The following LRBA variants were observed in gnomAD, a reference collection of about 807,000 sequenced individuals.
LRBA encodes the protein LPS responsive beige-like anchor protein.
Under a neutral mutation model 330.0 loss-of-function variants are expected in LRBA, and 176 were observed. The observed-to-expected ratio is 0.53, with a 90% CI of 0.47 to 0.60. LRBA has a LOEUF of 0.60. Among genes scored for constraint, LRBA ranks in the 20% least tolerant of loss-of-function variants. The probability of loss-of-function intolerance (pLI) is 0.00; values close to 1 mark genes in which losing one functional copy is unlikely to be tolerated. For missense variants in LRBA, 3,259 were observed against 3,444.8 expected (o/e 0.95, Z 1.35); for synonymous variants, 1,230 against 1,193.0 (o/e 1.03, Z -0.64).
chr4:150,313,859 T>C (rs1337514644), intron 51 of LRBA, among the ~76,000 whole-genome samples: 2 of 145,158 alleles, frequency 1.4e-5, no homozygotes, highest in African/African-American at 5.0e-5. Context: ...TATATATATA[T>C]ATAGCCTGAA....
At chr4:150,975,249 C>T (rs1298664643) in intron 2 of LRBA, among the ~76,000 whole-genome samples, 2 of 152,140 alleles carry the variant, frequency 1.3e-5, no homozygotes, top group African/African-American at 4.8e-5. Flanking sequence ...GGTAAAGTAG[C>T]CAGGCACAGT....
At chr4:150,502,910 G>A (rs941025786) in intron 40 of LRBA, among the ~76,000 whole-genome samples, 8 of 152,334 alleles carry the variant, frequency 5.3e-5, no homozygotes, top group Admixed American at 2.0e-4. Flanking sequence ...ATTATATCCC[G>A]CACCTGACTC....
At chr4:150,588,279 C>T (rs994554792) in intron 39 of LRBA, 95 bp from the exon 40 acceptor site, 23 of 1,285,766 alleles carry the variant, frequency 1.8e-5, no homozygotes, top group Non-Finnish European at 2.2e-5. Context: ...TTCATTCTCA[C>T]GTCTAGTACT....
At chr4:150,673,303 C>T (rs747907752) in intron 37 of LRBA, among the ~76,000 whole-genome samples, 6 of 152,018 alleles carry the variant, frequency 3.9e-5, no homozygotes, top group Non-Finnish European at 7.4e-5. Context: ...ATTTCTAATT[C>T]GGCATATACA....
rs894260499 is a variant in LRBA, at chr4:150,499,954, G to A, written c.6331-8919C>T. On this transcript the variant is annotated intron_variant, in intron 40 of 56. Coordinates refer to ENST00000651943, the MANE Select transcript of LRBA (RefSeq NM_001364905.1). The stretch of plus-strand genomic sequence containing the variant: ...GGTTGGAAAGTGAGGTGGGAAGCAA[G>A]GAAAGTGAGGTGGGAAGCAAGGAAC... Among the ~76,000 whole-genome samples, 36 of 151,706 alleles carry A rather than the reference G, an allele frequency of 2.4e-4. 1 individual carries two copies. The highest frequency in any genetic ancestry group is 2.2e-3 in the Admixed American group (34 of 15,170).
chr4:150,619,858 AAAGTT>A (rs1274622413), intron 37 of LRBA, among the ~76,000 whole-genome samples: 7 of 152,140 alleles, frequency 4.6e-5, no homozygotes, highest in Non-Finnish European at 1.0e-4. Flanking sequence ...TAACATATTC[AAAGTT>A]AAAATGAGTT....
chr4:150,785,011 C>T (rs1355318890), intron 34 of LRBA, among the ~76,000 whole-genome samples: 1 of 152,134 alleles, frequency 6.6e-6, no homozygotes, highest in East Asian at 1.9e-4. Context: ...AGGGAAATTG[C>T]AATAGAGAAA....
At chr4:150,670,346 G>T (rs1561496595) in intron 37 of LRBA, among the ~76,000 whole-genome samples, 1 of 152,130 alleles carries the variant, frequency 6.6e-6, no homozygotes, top group Non-Finnish European at 1.5e-5. Flanking sequence ...TATTCTATGG[G>T]TTTTTAATCT....
chr4:150,337,432 T>C (rs993104697), intron 48 of LRBA, among the ~76,000 whole-genome samples: 7 of 152,140 alleles, frequency 4.6e-5, no homozygotes, highest in African/African-American at 1.7e-4. Context: ...ATACAAAGAG[T>C]AGCTTTACTG....
At chr4:150,565,537 G>C (rs988458173) in intron 40 of LRBA, among the ~76,000 whole-genome samples, 3 of 151,934 alleles carry the variant, frequency 2.0e-5, no homozygotes, top group African/African-American at 7.2e-5. Context: ...TAAAATCTAT[G>C]TTTTATATTG....
intron 17 of LRBA, among the ~76,000 whole-genome samples, chr4:150,884,793 G>C (rs932285778): frequency 2.6e-5 from 4 of 151,882 alleles, no homozygotes; most frequent in African/African-American, 9.7e-5. Context: ...ACAAAAAAGA[G>C]TATAACCCAT....
chr4:150,654,993 G>T (rs990286009), intron 37 of LRBA, among the ~76,000 whole-genome samples: 2 of 151,942 alleles, frequency 1.3e-5, no homozygotes, highest in South Asian at 2.1e-4. Context: ...GAATAGTGCC[G>T]CAATAAACAT....
At chr4:150,566,108 A>G (rs1044735344) in intron 40 of LRBA, among the ~76,000 whole-genome samples, 6 of 151,638 alleles carry the variant, frequency 4.0e-5, no homozygotes, top group Admixed American at 3.9e-4. Context: ...ACATGCCTGT[A>G]GTTCTAGCTA....
chr4:150,302,767 G>A lies in LRBA; in HGVS notation c.7875C>T (p.Gly2625=), dbSNP rs775917589. Reference sequence around the variant, plus strand: ...CAAGGCAAGTGACGACATCCCAATGGCCAAACACCACTTGGATCAATCTTC... The same window carrying A: ...CAAGGCAAGTGACGACATCCCAATGACCAAACACCACTTGGATCAATCTTC... ...DTGRLIQVVF[G]HWDVVTCLAR... is the part of the protein sequence containing the mutation. The change falls in exon 53 of 57, where the codon GGC becomes GGT. Residue 2625 remains glycine (G), a synonymous_variant. Transcript: ENST00000651943. The A allele has an allele frequency of 6.2e-7, 1 of 1,604,070 alleles. No individual in the cohort carries two copies. The highest frequency in any genetic ancestry group is 1.7e-5 in the Admixed American group (1 of 59,000).
In LRBA at chr4:150,852,062, A is replaced by T; in HGVS notation, c.3648T>A (p.Thr1216=). 6.2e-7 allele frequency: 1 copy of T among 1,614,154 alleles called. No homozygotes were observed. Among genetic ancestry groups the T allele is most frequent in the Non-Finnish European group, 8.5e-7 (1 of 1,180,006 alleles). The change falls in exon 23 of 57, where the codon ACT becomes ACA. Residue 1216 remains threonine, a synonymous_variant. Coordinates refer to ENST00000651943, the MANE Select transcript of LRBA (RefSeq NM_001364905.1). The part of the protein sequence containing the change: ...GQMLEEGKKA[T]NLTRETKLIN... Reference sequence around the variant, plus strand: ...TTAATTTGGTTTCTCTAGTGAGGTTAGTTGCTTTCTTCCCTTCCTCCAGCA... The same window carrying T: ...TTAATTTGGTTTCTCTAGTGAGGTTTGTTGCTTTCTTCCCTTCCTCCAGCA...
intron 2 of LRBA, among the ~76,000 whole-genome samples, chr4:151,006,472 G>T (rs1335615343): frequency 6.6e-6 from 1 of 151,892 alleles, no homozygotes; most frequent in Non-Finnish European, 1.5e-5. Flanking sequence ...GAGATACAAA[G>T]ATAAATAAAA....
At chr4:150,918,795 T>C (rs1048493324) in intron 5 of LRBA, among the ~76,000 whole-genome samples, 1 of 152,124 alleles carries the variant, frequency 6.6e-6, no homozygotes, top group African/African-American at 2.4e-5. Flanking sequence ...AGCAAGGATG[T>C]AGAGAAATTT....
At chr4:150,701,855 C>G (rs974925209) in intron 36 of LRBA, among the ~76,000 whole-genome samples, 8 of 152,090 alleles carry the variant, frequency 5.3e-5, no homozygotes, top group African/African-American at 1.9e-4. Context: ...AAGTGTATAT[C>G]AAGGGAGGAA....
intron 53 of LRBA, among the ~76,000 whole-genome samples, chr4:150,296,417 C>A (rs1297876929): frequency 1.3e-5 from 2 of 152,078 alleles, no homozygotes; most frequent in Non-Finnish European, 2.9e-5. Flanking sequence ...CACTTCAAAT[C>A]CAAAATCTGA....
Sources: gnomAD v4.1 joint callset for allele counts (sites outside exome capture counted in the v4.1 genomes callset) on GRCh38, gnomAD v4.1.1 for gene constraint, MANE v1.5 for transcripts, NCBI Gene and HGNC (gene_info 2026-07-23, HGNC 2026-07-21) for gene names.